Variants in SLC38A10 observed in about 807,000 individuals in gnomAD.
SLC38A10 encodes the protein Sodium-coupled neutral amino acid transporter 10.
Under a neutral mutation model 81.0 loss-of-function variants are expected in SLC38A10, and 53 were observed. The ratio of observed to expected loss-of-function variants is 0.65; its 90% CI spans 0.53 to 0.82. The LOEUF is 0.82. Among genes scored for constraint, SLC38A10 ranks in the 40% least tolerant of loss-of-function variants. SLC38A10 has a pLI of 0.00. For synonymous variants in SLC38A10, 665 were observed against 655.3 expected (o/e 1.01, Z -0.23); for missense variants, 1,471 against 1,545.0 (o/e 0.95, Z 0.80).
chr17:81,279,358 G>A (rs2063188581), intron 6 of SLC38A10, among the ~76,000 whole-genome samples: 2 of 152,242 alleles, frequency 1.3e-5, no homozygotes, highest in African/African-American at 4.8e-5. Context: ...GGCAGGGGGC[G>A]CGGCCCGCCA....
In SLC38A10 at chr17:81,247,979, C is replaced by T. The variant is rs575423614; in HGVS notation, c.2066-918G>A. 3.7e-5 allele frequency among the ~76,000 whole-genome samples: 3 copies of T among 81,338 alleles called. 1 individual carries two copies. Among genetic ancestry groups the T allele is most frequent in the African/African-American group, 4.7e-5 (1 of 21,110 alleles). The allele number at this position is 81,338 out of a possible 152,430, so 53.4% of individuals were successfully genotyped here. A position where few individuals can be genotyped will look rare whatever the true frequency, so the allele number is the denominator to read the frequency against. On this transcript the variant is annotated intron_variant, in intron 14 of 15. Transcript: ENST00000374759. ...TTTTTTTTTTTTTTTTTTTTTGAGA[C>T]GGGAGTCTCACTCTGTCACCCAGGC... is the stretch of plus-strand genomic sequence containing the variant.
At chr17:81,291,486 CAAAA>C (rs397856930) in intron 1 of SLC38A10, among the ~76,000 whole-genome samples, 2 of 112,024 alleles carry the variant, frequency 1.8e-5, no homozygotes. Flanking sequence ...GACTCCATCT[CAAAA>C]AAAAAAAAAA....
chr17:81,265,568 C>T lies in SLC38A10; in HGVS notation c.1132-5174G>A, dbSNP rs2063062809. On this transcript the variant is annotated intron_variant, in intron 10 of 15. Transcript: ENST00000374759. The surrounding 1 kb of genome is among the most constrained non-coding windows in gnomAD (Gnocchi z 4.2). ...ACACAGGTGTCCCCACTTCCCTGTC[C>T]ACCCCAGCATATCACCAGTTGTGGC... Among the ~76,000 whole-genome samples, 1 of 152,194 alleles carries T rather than the reference C, an allele frequency of 6.6e-6. No homozygotes were observed. The highest frequency in any genetic ancestry group is 2.4e-5 in the African/African-American group (1 of 41,448).
rs760537015 is a variant in SLC38A10, at chr17:81,253,188, C to G, written c.1341G>C (p.Leu447=). The G allele has an allele frequency of 6.2e-7, 1 of 1,613,776 alleles. No individual in the cohort carries two copies. The highest frequency in any genetic ancestry group is 1.3e-5 in the African/African-American group (1 of 74,946). ...GCTCCAGCTCCTCTCTCTCCTTCGG[C>G]AGCTTCGGCTTCTCCCGGCCATCCT... ...VAEDGREKPK[L]PKEREELEQA... Residue 447 remains leucine (L), a synonymous_variant, in exon 12 of 16, where the codon CTG becomes CTC. Transcript: ENST00000374759. The surrounding 1 kb of genome is among the most constrained non-coding windows in gnomAD (Gnocchi z 4.1).
chr17:81,253,093 TGTGCCTCCTCCG>T lies in SLC38A10; in HGVS notation c.1424_1435del (p.Pro475_Ala478del), dbSNP rs778640792. The T allele has an allele frequency of 5.6e-6, 9 of 1,613,482 alleles. No individual in the cohort carries two copies. Among genetic ancestry groups the T allele is most frequent in the Non-Finnish European group, 6.8e-6 (8 of 1,180,036 alleles). On this transcript the variant is annotated inframe_deletion, in exon 12 of 16. Transcript: ENST00000374759. The surrounding 1 kb of genome is among the most constrained non-coding windows in gnomAD (Gnocchi z 4.1). The stretch of plus-strand genomic sequence containing the variant: ...AGCACCTTGCCCAGGGCGATCGAGC[TGTGCCTCCTCCG>T]GTGCCTCCTTGCCATCTTCCCGTCC...
intron 14 of SLC38A10, 170 bp downstream of exon 14, chr17:81,251,323 G>A (rs2062909777): frequency 1.2e-6 from 2 of 1,612,990 alleles, no homozygotes; most frequent in African/African-American, 2.7e-5. Flanking sequence ...GCAAGCTGCT[G>A]ATGGGAAGGG....
Position 81,246,323 on chromosome 17 carries a change from T to C in SLC38A10, c.2593A>G (p.Arg865Gly). The change falls in exon 16 of 16, where the codon AGG (arginine) becomes GGG (glycine). Residue 865 changes from arginine (R) to glycine (G), a missense_variant. Transcript: ENST00000374759. Reference protein sequence around the residue: ...PEQVPVPDPAREAGGPEERLA... With the variant: ...PEQVPVPDPAGEAGGPEERLA... ...CGCTCCTCTGGGCCCCCGGCTTCCC[T>C]GGCGGGGTCTGGCACGGGCACCTGC... 6.2e-7 allele frequency: 1 copy of C among 1,609,390 alleles called. No individual in the cohort carries two copies. Among genetic ancestry groups the C allele is most frequent in the Non-Finnish European group, 8.5e-7 (1 of 1,179,744 alleles).
In SLC38A10 at chr17:81,289,675, G is replaced by C; in HGVS notation, c.217+16C>G. 6.3e-7 allele frequency: 1 copy of C among 1,594,182 alleles called. No individual in the cohort carries two copies. The highest frequency in any genetic ancestry group is 8.5e-7 in the Non-Finnish European group (1 of 1,171,234). On this transcript the variant is annotated intron_variant, in intron 2 of 15. Coordinates refer to ENST00000374759, the MANE Select transcript of SLC38A10 (RefSeq NM_001037984.3). This position sits in a 1 kb window ranked among gnomAD's most constrained non-coding sequence, Gnocchi z 5.9. ...CGCCCCAGGTCCAGAGCCACCTTGT[G>C]GAGAGGGCGCCTCACCCAGGCCGGC...
chr17:81,288,607 G>A lies in SLC38A10; in HGVS notation c.217+1084C>T, dbSNP rs2063287005. 2 of 152,296 alleles carry A rather than the reference G, an allele frequency of 1.3e-5. No individual in the cohort carries two copies. The highest frequency in any genetic ancestry group is 1.3e-4 in the Admixed American group (2 of 15,276). 9.4% of individuals were successfully genotyped at this position (152,296 alleles called of 1,614,324 possible). On this transcript the variant is annotated intron_variant, in intron 2 of 15. Transcript: ENST00000374759. This position sits in a 1 kb window ranked among gnomAD's most constrained non-coding sequence, Gnocchi z 5.4. Reference sequence around the variant, plus strand: ...GGCGCCCTCGAAGACAAACAACGTAGAAAATATTCCACACTGAAATGAAGC... The same window carrying A: ...GGCGCCCTCGAAGACAAACAACGTAAAAAATATTCCACACTGAAATGAAGC...
chr17:81,252,710 G>A (rs373413795), intron 12 of SLC38A10, 27 bp from the exon 13 acceptor site: 3 of 1,563,182 alleles, frequency 1.9e-6, no homozygotes, highest in Admixed American at 1.9e-5. Context: ...GACAGATGGG[G>A]TCAGGCTGAG....
chr17:81,292,942 G>A (rs542598215), intron 1 of SLC38A10, among the ~76,000 whole-genome samples: 7 of 152,112 alleles, frequency 4.6e-5, no homozygotes, highest in Non-Finnish European at 7.4e-5. Flanking sequence ...TCAGGAGTTC[G>A]AGACCAGCCT....
In SLC38A10 at chr17:81,253,072, C is replaced by A. The variant is rs987882527; in HGVS notation, c.1456+1G>T. The A allele has an allele frequency of 6.2e-7, 1 of 1,612,452 alleles. No homozygotes were observed. Among genetic ancestry groups the A allele is most frequent in the Non-Finnish European group, 8.5e-7 (1 of 1,179,964 alleles). ...CCGCACCCCCAGCCAGTGCCCAGCACCTTGCCCAGGGCGATCGAGCTGTGC... is the reference window on the plus strand; with the variant it reads ...CCGCACCCCCAGCCAGTGCCCAGCAACTTGCCCAGGGCGATCGAGCTGTGC... On this transcript the variant is annotated splice_donor_variant, in intron 12 of 15. Coordinates refer to ENST00000374759, the MANE Select transcript of SLC38A10 (RefSeq NM_001037984.3). LOFTEE classifies it high-confidence loss of function. The surrounding 1 kb of genome is among the most constrained non-coding windows in gnomAD (Gnocchi z 4.1).
At chr17:81,285,422 G>C (rs2063255917) in intron 2 of SLC38A10, 1 of 152,500 alleles carries the variant, frequency 6.6e-6, no homozygotes, top group Admixed American at 6.5e-5. Flanking sequence ...GCTTCAGGAA[G>C]GGAGGGGACG....
At chr17:81,287,824 C>A (rs2063280222) in intron 2 of SLC38A10, among the ~76,000 whole-genome samples, 3 of 152,216 alleles carry the variant, frequency 2.0e-5, no homozygotes. Flanking sequence ...AGCCCTGGGT[C>A]ACCGGTCTTC....
rs138345195 is a variant in SLC38A10, at chr17:81,252,791, C to G, written c.1457-108G>C. On this transcript the variant is annotated intron_variant, in intron 12 of 15. Coordinates refer to ENST00000374759, the MANE Select transcript of SLC38A10 (RefSeq NM_001037984.3). ...GGTTCTGGCTCCCAACAGTGTGACA[C>G]AGGCCAACAGATACCACCTCCCCTG... 2.4e-4 allele frequency: 348 copies of G among 1,454,004 alleles called. 1 individual carries two copies. The East Asian group carries it at 4.3e-3, about 18-fold the overall frequency. 90.1% of individuals were successfully genotyped at this position (1,454,004 alleles called of 1,614,324 possible).
At position 81,276,188 on chromosome 17, in the gene SLC38A10, A is replaced by G; in HGVS notation, c.730-37T>C. 1 of 1,562,264 alleles carries G rather than the reference A, an allele frequency of 6.4e-7. No homozygotes were observed. The highest frequency in any genetic ancestry group is 1.4e-5 in the African/African-American group (1 of 73,946). ...TAAGAAATGGCAACGTGGCAGACAG[A>G]CATCCTAGCCGAGTGGCACCTGTCA... On this transcript the variant is annotated intron_variant, in intron 7 of 15. Coordinates refer to ENST00000374759, the MANE Select transcript of SLC38A10 (RefSeq NM_001037984.3). This position sits in a 1 kb window ranked among gnomAD's most constrained non-coding sequence, Gnocchi z 4.7.
In SLC38A10 at chr17:81,289,017, A is replaced by G. The variant is rs1036441884; in HGVS notation, c.217+674T>C. On this transcript the variant is annotated intron_variant, in intron 2 of 15. Coordinates refer to ENST00000374759, the MANE Select transcript of SLC38A10 (RefSeq NM_001037984.3). This position sits in a 1 kb window ranked among gnomAD's most constrained non-coding sequence, Gnocchi z 5.9. The stretch of plus-strand genomic sequence containing the variant: ...CCTCATACCCTTCTGTGTCACTCCA[A>G]TTTTGAAGCATGTGATTATAACAGG... The G allele has an allele frequency of 6.6e-6, 1 of 152,226 alleles. No homozygotes were observed. The highest frequency in any genetic ancestry group is 1.5e-5 in the Non-Finnish European group (1 of 68,044). 9.4% of individuals were successfully genotyped at this position (152,226 alleles called of 1,614,324 possible).
chr17:81,259,273 G>A (rs1013829108), intron 11 of SLC38A10, among the ~76,000 whole-genome samples: 12 of 152,224 alleles, frequency 7.9e-5, no homozygotes, highest in African/African-American at 2.4e-4. Flanking sequence ...AGCCAGAGCC[G>A]GCACTGCTCA....
intron 11 of SLC38A10, among the ~76,000 whole-genome samples, 196 bp downstream of exon 11, chr17:81,260,042 C>A (rs760026172): frequency 2.0e-5 from 3 of 152,226 alleles, no homozygotes; most frequent in Non-Finnish European, 4.4e-5. Flanking sequence ...ATGTTCCCTG[C>A]ACACAGGCAG....
Sources: gnomAD v4.1 joint callset for allele counts (sites outside exome capture counted in the v4.1 genomes callset) on GRCh38, gnomAD v4.1.1 for gene constraint, Gnocchi (gnomAD v3.1) non-coding constraint, MANE v1.5 for transcripts, NCBI Gene and HGNC (gene_info 2026-07-23, HGNC 2026-07-21) for gene names.